KANK1: variants seen among roughly 807,000 people sequenced by gnomAD.
KANK1 encodes KN motif and ankyrin repeat domain-containing protein 1.
Under a neutral mutation model 106.2 loss-of-function variants are expected in KANK1, and 109 were observed. That is an observed-to-expected ratio of 1.03 (90% CI 0.88 to 1.20). The LOEUF is 1.20. Ranked by LOEUF, KANK1 falls within the 50% of genes most tolerant of loss-of-function variation. KANK1 has a pLI of 0.00. For missense variants in KANK1, 2,399 were observed against 1,710.7 expected (o/e 1.40, Z -7.10); for synonymous variants, 873 against 652.2 (o/e 1.34, Z -5.16).
chr9:634,297 G>A (rs1002470125), intron 1 of KANK1, among the ~76,000 whole-genome samples: 1 of 152,122 alleles, frequency 6.6e-6, no homozygotes, highest in African/African-American at 2.4e-5. Context: ...TGTGCAAAAT[G>A]GTCTAATCCT....
At chr9:493,488 G>T (rs2058410843) in intron 3 of KANK1, among the ~76,000 whole-genome samples, 1 of 151,236 alleles carries the variant, frequency 6.6e-6, no homozygotes, top group Non-Finnish European at 1.5e-5. Context: ...TCACTGGATG[G>T]TTCTCAGGAA....
intron 1 of KANK1, among the ~76,000 whole-genome samples, chr9:595,147 C>A (rs1369454158): frequency 6.6e-6 from 1 of 151,698 alleles, no homozygotes; most frequent in African/African-American, 2.4e-5. Flanking sequence ...GGCATGGTGG[C>A]ACATGACTGT....
chr9:740,979 G>A (rs1589350015), intron 9 of KANK1, 45 bp downstream of exon 9: 1 of 1,606,912 alleles, frequency 6.2e-7, no homozygotes, highest in Non-Finnish European at 8.5e-7. Context: ...CCCGTAACCA[G>A]CAGACAGGAC....
chr9:612,086 A>G (rs1275817115), intron 1 of KANK1, among the ~76,000 whole-genome samples: 3 of 152,148 alleles, frequency 2.0e-5, no homozygotes, highest in African/African-American at 7.2e-5. Flanking sequence ...ATTGGCTTTC[A>G]TTTGCATAAT....
Position 744,483 on chromosome 9 carries a change from A to G in KANK1, c.3898-8A>G. 1 of 1,610,792 alleles carries G rather than the reference A, an allele frequency of 6.2e-7. No homozygotes were observed. Among genetic ancestry groups the G allele is most frequent in the Non-Finnish European group, 8.5e-7 (1 of 1,177,510 alleles). On this transcript the variant is annotated splice_region_variant and splice_polypyrimidine_tract_variant and intron_variant, in intron 10 of 11. Coordinates refer to ENST00000382297, the MANE Select transcript of KANK1 (RefSeq NM_015158.5). ...CAACATGGCTTGTTCTTTCCATCTT[A>G]TCTTAAGGATGGCAGCACTGCGCTC... is the stretch of plus-strand genomic sequence containing the variant.
chr9:542,112 C>A (rs2133859935), intron 1 of KANK1, among the ~76,000 whole-genome samples: 1 of 151,774 alleles, frequency 6.6e-6, no homozygotes, highest in South Asian at 2.1e-4. Context: ...GAACAGAGGA[C>A]CTTAATAGAA....
At chr9:534,239 G>A (rs149876404) in intron 1 of KANK1, among the ~76,000 whole-genome samples, 18 of 152,294 alleles carry the variant, frequency 1.2e-4, no homozygotes, top group Non-Finnish European at 2.5e-4. Flanking sequence ...AGAAATGTAC[G>A]TTCTTCCAGC....
Position 711,637 on chromosome 9 carries a change from A to T in KANK1, c.871A>T (p.Ile291Phe). 2 of 1,614,088 alleles carry T rather than the reference A, an allele frequency of 1.2e-6. No homozygotes were observed. Among genetic ancestry groups the T allele is most frequent in the South Asian group, 2.2e-5 (2 of 91,078 alleles). Residue 291 changes from isoleucine (I) to phenylalanine (F), a missense_variant, in exon 3 of 12, where the codon ATC becomes TTC. Physicochemically the swap from Ile to Phe is conservative, Grantham distance 21. Transcript: ENST00000382297. ...AACCATCCCTGTGCTCCAGGTAAAGATCTCTGTCTTGCAAGAAGAGAAAAG... is the reference window on the plus strand; with the variant it reads ...AACCATCCCTGTGCTCCAGGTAAAGTTCTCTGTCTTGCAAGAAGAGAAAAG... ...VRTIPVLQVK[I>F]SVLQEEKRQL...
intron 1 of KANK1, among the ~76,000 whole-genome samples, chr9:618,572 A>AT (rs574079713): frequency 6.9e-4 from 105 of 152,098 alleles, no homozygotes; most frequent in African/African-American, 1.5e-3. Flanking sequence ...TATCGGAACA[A>AT]TTTTTTTTAA....
chr9:586,752 C>T (rs1823575535), intron 1 of KANK1, among the ~76,000 whole-genome samples: 1 of 152,144 alleles, frequency 6.6e-6, no homozygotes, highest in South Asian at 2.1e-4. Context: ...GGATCCAGCG[C>T]TTTTCTTTGC....
At chr9:621,942 C>T (rs1161103378) in intron 1 of KANK1, among the ~76,000 whole-genome samples, 2 of 151,990 alleles carry the variant, frequency 1.3e-5, no homozygotes, top group Admixed American at 1.3e-4. Context: ...CTGGTGCTGC[C>T]GAAGCCTCTT....
chr9:515,622 CTATT>C lies in KANK1; in HGVS notation c.-84+10874_-84+10877del, dbSNP rs1469816494. ...AACTTTTCTAATTTGTTAACTCAGT[CTATT>C]TATTTTTGCCTTTCACTTTGACATT... is the stretch of plus-strand genomic sequence containing the variant. On this transcript the variant is annotated intron_variant, in intron 1 of 11. Transcript: ENST00000382297. Among the ~76,000 whole-genome samples, 12 of 151,836 alleles carry C rather than the reference CTATT, an allele frequency of 7.9e-5. 1 individual carries two copies. Among genetic ancestry groups the C allele is most frequent in the African/African-American group, 2.9e-4 (12 of 41,140 alleles).
At chr9:632,797 C>G (rs1482087940) in intron 1 of KANK1, among the ~76,000 whole-genome samples, 1 of 152,092 alleles carries the variant, frequency 6.6e-6, no homozygotes, top group African/African-American at 2.4e-5. Flanking sequence ...TCAGGTGATT[C>G]TCCTGCCTCT....
At chr9:691,232 A>C (rs111325913) in intron 2 of KANK1, among the ~76,000 whole-genome samples, 10 of 152,292 alleles carry the variant, frequency 6.6e-5, no homozygotes, top group Admixed American at 2.0e-4. Flanking sequence ...ACTTTAGCAA[A>C]ATGATTGACT....
At chr9:524,577 C>G (rs1374148924) in intron 1 of KANK1, among the ~76,000 whole-genome samples, 2 of 151,456 alleles carry the variant, frequency 1.3e-5, no homozygotes, top group Non-Finnish European at 2.9e-5. Context: ...AAGTGCAGTG[C>G]TGCGATCTCA....
intron 1 of KANK1, among the ~76,000 whole-genome samples, chr9:619,948 C>G (rs977433163): frequency 6.6e-6 from 1 of 151,890 alleles, no homozygotes; most frequent in Non-Finnish European, 1.5e-5. Context: ...ACCAGCCTGG[C>G]CAACATGGCA....
intron 1 of KANK1, among the ~76,000 whole-genome samples, chr9:654,553 G>C (rs1294540968): frequency 6.8e-6 from 1 of 147,120 alleles, no homozygotes; most frequent in Non-Finnish European, 1.5e-5. Flanking sequence ...TCAACCAGAA[G>C]GGACAATGTA....
intron 1 of KANK1, among the ~76,000 whole-genome samples, chr9:560,926 A>G (rs1816253431): frequency 6.6e-6 from 1 of 152,206 alleles, no homozygotes; most frequent in Non-Finnish European, 1.5e-5. Flanking sequence ...CTTGTTAAAA[A>G]GATTGAAGGT....
intron 1 of KANK1, among the ~76,000 whole-genome samples, chr9:602,112 C>A (rs551271389): frequency 6.6e-6 from 1 of 151,844 alleles, no homozygotes; most frequent in Non-Finnish European, 1.5e-5. Flanking sequence ...AAAATAGGTT[C>A]TTTATCAATG....
Sources: gnomAD v4.1 joint callset for allele counts (sites outside exome capture counted in the v4.1 genomes callset) on GRCh38, gnomAD v4.1.1 for gene constraint, MANE v1.5 for transcripts, NCBI Gene and HGNC (gene_info 2026-07-23, HGNC 2026-07-21) for gene names.